NMBR: variants seen among roughly 807,000 people sequenced by gnomAD.
NMBR encodes the protein neuromedin-B receptor.
A neutral mutation model predicts 20.5 loss-of-function variants in NMBR; 16 were observed. The ratio of observed to expected loss-of-function variants is 0.78; its 90% CI spans 0.53 to 1.19. The LOEUF (loss-of-function observed/expected upper bound fraction) is 1.19. Among genes scored for constraint, NMBR ranks in the 50% most tolerant of loss-of-function variants. The probability of loss-of-function intolerance (pLI) is 0.00; values close to 1 mark genes in which losing one functional copy is unlikely to be tolerated. For synonymous variants in NMBR, 212 were observed against 196.6 expected, an observed-to-expected ratio of 1.08 and a Z score of -0.65; for missense variants, 582 against 499.1, an observed-to-expected ratio of 1.17 and a Z score of -1.58.
At chr6:142,099,532 C>T (rs1297248162) in intron 1 of NMBR, among the ~76,000 whole-genome samples, 4 of 151,916 alleles carry the variant, frequency 2.6e-5, no homozygotes, top group Admixed American at 2.6e-4. Context: ...AAGTATCCCC[C>T]TTGATTCAAT....
intron 1 of NMBR, among the ~76,000 whole-genome samples, chr6:142,105,071 G>A (rs1037108629): frequency 4.0e-5 from 6 of 151,788 alleles, no homozygotes; most frequent in African/African-American, 1.2e-4. Context: ...CTTCTCAAGG[G>A]TGGAGGGTGT....
intron 2 of NMBR, 86 bp from the exon 3 acceptor site, chr6:142,078,989 A>G (rs932052519): frequency 6.2e-5 from 57 of 914,674 alleles, no homozygotes; most frequent in Admixed American, 5.9e-4. Flanking sequence ...AGAAAGGAAG[A>G]AAGGGAGAGA....
intron 1 of NMBR, among the ~76,000 whole-genome samples, chr6:142,115,376 A>T (rs1247529494): frequency 6.6e-6 from 1 of 152,126 alleles, no homozygotes; most frequent in Non-Finnish European, 1.5e-5. Flanking sequence ...TTTGAGGTAT[A>T]GGAGTTAGGA....
At chr6:142,129,504 C>G (rs1425076380) in intron 1 of NMBR, among the ~76,000 whole-genome samples, 1 of 151,936 alleles carries the variant, frequency 6.6e-6, no homozygotes, top group Admixed American at 6.6e-5. Flanking sequence ...TCCCACTAGT[C>G]CTTGCTTACA....
intron 2 of NMBR, among the ~76,000 whole-genome samples, chr6:142,086,287 G>T (rs1356385375): frequency 1.3e-5 from 2 of 152,034 alleles, no homozygotes; most frequent in Non-Finnish European, 2.9e-5. Context: ...CTATCTAACA[G>T]CATTGTGAGG....
chr6:142,093,303 T>G (rs1439588688), intron 1 of NMBR, among the ~76,000 whole-genome samples: 1 of 66,512 alleles, frequency 1.5e-5, no homozygotes, highest in Non-Finnish European at 2.7e-5. Flanking sequence ...CCCTCCCCCC[T>G]CCCCCCACCC....
chr6:142,083,563 A>C (rs1258766574), intron 2 of NMBR, among the ~76,000 whole-genome samples: 1 of 152,092 alleles, frequency 6.6e-6, no homozygotes, highest in African/African-American at 2.4e-5. Flanking sequence ...CCAGTGGTTG[A>C]GAGAGGGACC....
intron 3 of NMBR, among the ~76,000 whole-genome samples, chr6:142,077,501 A>G (rs933165562): frequency 9.9e-5 from 15 of 152,228 alleles, no homozygotes; most frequent in Admixed American, 1.3e-4. Flanking sequence ...TGCCTCACTG[A>G]TGCCAAATAT....
intron 1 of NMBR, among the ~76,000 whole-genome samples, chr6:142,141,985 G>A (rs1242764475): frequency 6.6e-6 from 1 of 151,974 alleles, no homozygotes; most frequent in Non-Finnish European, 1.5e-5. Flanking sequence ...GAGATAATAA[G>A]GGAGAAAATG....
rs113235463 is a variant in NMBR at position 142,075,741 on chromosome 6, C to A, written c.1080G>T (p.Val360=). The part of the protein sequence containing the change: ...GTSYLLSSSA[V]RMTSLKSNAK... ...CATTGCTTTTCAGAGATGTCATACG[C>A]ACCGCTGAAGAGCTGAGTAGGTAGC... Residue 360 remains valine (V), a synonymous_variant, in exon 4 of 4, where the codon GTG becomes GTT. Transcript: ENST00000258042. 9,690 of 1,614,000 alleles carry A rather than the reference C, an allele frequency of 6.0e-3. 517 individuals are homozygous for A. In the African/African-American group the frequency reaches 0.12, roughly 19 times the overall value.
chr6:142,137,355 G>A lies in NMBR; in HGVS notation c.-664+9689C>T, dbSNP rs544731338. Among the ~76,000 whole-genome samples, 490 of 152,252 alleles carry A rather than the reference G, an allele frequency of 3.2e-3. 1 individual carries two copies. The highest frequency in any genetic ancestry group is 5.5e-3 in the Non-Finnish European group (375 of 68,020). The stretch of plus-strand genomic sequence containing the variant: ...TTTGTACATTGATTTTGTATCCTGA[G>A]ACTTTGCTGAAGTTGCTTATCAGCT... On this transcript the variant is annotated intron_variant, in intron 1 of 3. Coordinates refer to ENST00000258042, the MANE Select transcript of NMBR (RefSeq NM_002511.4).
intron 1 of NMBR, among the ~76,000 whole-genome samples, chr6:142,123,286 C>T (rs1256158496): frequency 6.6e-6 from 1 of 151,884 alleles, no homozygotes; most frequent in African/African-American, 2.4e-5. Context: ...GAAGATGTGA[C>T]TGAATTGCTG....
At chr6:142,102,090 C>T (rs1187155560) in intron 1 of NMBR, among the ~76,000 whole-genome samples, 1 of 152,078 alleles carries the variant, frequency 6.6e-6, no homozygotes, top group African/African-American at 2.4e-5. Flanking sequence ...ACAGAATGAG[C>T]TAAAGAGTCT....
At chr6:142,119,798 T>C (rs1312807977) in intron 1 of NMBR, among the ~76,000 whole-genome samples, 1 of 151,938 alleles carries the variant, frequency 6.6e-6, no homozygotes, top group Non-Finnish European at 1.5e-5. Flanking sequence ...GTCTTTCGTT[T>C]TAAGAATTTT....
At chr6:142,116,476 T>C (rs1386566396) in intron 1 of NMBR, among the ~76,000 whole-genome samples, 2 of 152,126 alleles carry the variant, frequency 1.3e-5, no homozygotes, top group African/African-American at 2.4e-5. Context: ...ACTAGGACCA[T>C]ACATCCACTA....
chr6:142,144,044 GT>G (rs1778394441), intron 1 of NMBR, among the ~76,000 whole-genome samples: 1 of 152,164 alleles, frequency 6.6e-6, no homozygotes, highest in African/African-American at 2.4e-5. Flanking sequence ...AAATATCCGT[GT>G]TTAAAACATA....
chr6:142,116,138 A>C (rs971660632), intron 1 of NMBR, among the ~76,000 whole-genome samples: 3 of 151,862 alleles, frequency 2.0e-5, no homozygotes, highest in African/African-American at 7.3e-5. Context: ...AGGCTTCCCC[A>C]GCCATTTGGT....
At position 142,079,266 on chromosome 6, in the gene NMBR, A is replaced by G. The variant is rs113839725; in HGVS notation, c.423-363T>C. On this transcript the variant is annotated intron_variant, in intron 2 of 3. Transcript: ENST00000258042. ...CTGCTTAGTAAGAGAGATGCCAACA[A>G]TATTCTGTCTTTATAGCTCAAATTT... 3.1e-3 allele frequency among the ~76,000 whole-genome samples: 467 copies of G among 152,196 alleles called. 3 individuals carry two copies. Among genetic ancestry groups the G allele is most frequent in the African/African-American group, 0.01 (430 of 41,536 alleles).
At chr6:142,088,131 A>G (rs572705556) in intron 2 of NMBR, 106 bp downstream of exon 2, 7 of 1,158,580 alleles carry the variant, frequency 6.0e-6, no homozygotes, top group Non-Finnish European at 8.5e-6. Context: ...TCCACACCCA[A>G]CCTTTCCTTG....
Sources: gnomAD v4.1 joint callset for allele counts (sites outside exome capture counted in the v4.1 genomes callset) on GRCh38, gnomAD v4.1.1 for gene constraint, MANE v1.5 for transcripts, NCBI Gene and HGNC (gene_info 2026-07-23, HGNC 2026-07-21) for gene names.